ZNF423: variants seen among roughly 807,000 people sequenced by gnomAD.
ZNF423 encodes the protein zinc finger protein 423, also known as Ebf-associated zinc finger protein.
A neutral mutation model predicts 95.8 loss-of-function variants in ZNF423; 12 were observed. The observed-to-expected ratio is 0.13, with a 90% CI of 0.08 to 0.20. ZNF423 has a LOEUF of 0.20. Among genes scored for constraint, ZNF423 ranks in the 10% least tolerant of loss-of-function variants. The pLI is 1.00. For synonymous variants in ZNF423, 749 were observed against 711.9 expected (o/e 1.05, Z -0.83); for missense variants, 1,316 against 1,737.1 (o/e 0.76, Z 4.31).
chr16:49,511,974 A>G (rs550264647), intron 7 of ZNF423, among the ~76,000 whole-genome samples: 1 of 152,302 alleles, frequency 6.6e-6, no homozygotes, highest in African/African-American at 2.4e-5. Flanking sequence ...TTTGTGTAGC[A>G]CTTATGTTGT....
Position 49,636,943 on chromosome 16 carries a change from C to G in ZNF423, c.2233G>C (p.Val745Leu). 1 of 1,613,782 alleles carries G rather than the reference C, an allele frequency of 6.2e-7. No individual in the cohort carries two copies. Among genetic ancestry groups the G allele is most frequent in the Non-Finnish European group, 8.5e-7 (1 of 1,179,982 alleles). ...TTGCTGTGCTTCACCGCCAGGTGCA[C>G]CTGGATGGACACCTTGGAGTCGAAG... Reference protein sequence around the residue: ...EVFDSKVSIQVHLAVKHSNEK... With the variant: ...EVFDSKVSIQLHLAVKHSNEK... The change falls in exon 4 of 8, where the codon GTG becomes CTG. Residue 745 changes from valine (V) to leucine (L), a missense_variant. Transcript: ENST00000563137. This position sits in a 1 kb window ranked among gnomAD's most constrained non-coding sequence, Gnocchi z 8.6.
At chr16:49,515,914 C>T (rs1212615412) in intron 7 of ZNF423, among the ~76,000 whole-genome samples, 3 of 152,170 alleles carry the variant, frequency 2.0e-5, no homozygotes, top group Non-Finnish European at 4.4e-5. Flanking sequence ...CTCAGGGTGG[C>T]TAACCGCTGG....
chr16:49,837,443 G>A (rs1597053319), intron 1 of ZNF423, among the ~76,000 whole-genome samples: 1 of 152,222 alleles, frequency 6.6e-6, no homozygotes, highest in African/African-American at 2.4e-5. Flanking sequence ...CACAGAGGTT[G>A]TGCAAACCTT....
intron 3 of ZNF423, among the ~76,000 whole-genome samples, chr16:49,659,483 T>A (rs1340073164): frequency 6.6e-6 from 1 of 152,236 alleles, no homozygotes; most frequent in African/African-American, 2.4e-5. Flanking sequence ...ATCGGGATAC[T>A]GAGGCCCTTG....
chr16:49,689,787 A>C (rs2031710524), intron 3 of ZNF423, among the ~76,000 whole-genome samples: 1 of 152,128 alleles, frequency 6.6e-6, no homozygotes, highest in Admixed American at 6.5e-5. Flanking sequence ...CAGGCTGGAG[A>C]TGCATCTGGG....
chr16:49,511,109 C>T (rs1004198337), intron 7 of ZNF423, among the ~76,000 whole-genome samples: 2 of 152,232 alleles, frequency 1.3e-5, no homozygotes, highest in African/African-American at 2.4e-5. Context: ...TCAAGGCTCA[C>T]GAGGGTATCT....
chr16:49,842,426 C>A (rs62029420), intron 1 of ZNF423, among the ~76,000 whole-genome samples: 19 of 103,446 alleles, frequency 1.8e-4, no homozygotes, highest in East Asian at 6.7e-4. Flanking sequence ...GGCAGGCAGG[C>A]AGGCAGGCAG....
rs1311167740 is a variant in ZNF423 at position 49,492,123 on chromosome 16, C to T, written c.3850-819G>A. Among the ~76,000 whole-genome samples the T allele has an allele frequency of 1.3e-5, 2 of 152,236 alleles. No homozygotes were observed. Among genetic ancestry groups the T allele is most frequent in the Non-Finnish European group, 2.9e-5 (2 of 68,034 alleles). On this transcript the variant is annotated intron_variant, in intron 7 of 7. Transcript: ENST00000563137. The surrounding 1 kb of genome is among the most constrained non-coding windows in gnomAD (Gnocchi z 4.2). ...GGTTGATCTGTTTCACAGGAGCCAG[C>T]GGCCTGGGACTGGGGGTGGGATTTG...
intron 3 of ZNF423, among the ~76,000 whole-genome samples, chr16:49,682,909 G>A (rs1176864023): frequency 6.6e-6 from 1 of 152,228 alleles, no homozygotes; most frequent in Non-Finnish European, 1.5e-5. Flanking sequence ...GTATCTAGGA[G>A]ACGCCCCTAC....
intron 1 of ZNF423, among the ~76,000 whole-genome samples, chr16:49,818,082 T>G (rs778232481): frequency 6.6e-6 from 1 of 152,114 alleles, no homozygotes; most frequent in Admixed American, 6.5e-5. Flanking sequence ...ACCTCGCTAC[T>G]CATGTCTCAG....
intron 1 of ZNF423, among the ~76,000 whole-genome samples, chr16:49,800,417 A>C (rs2034564174): frequency 6.6e-6 from 1 of 152,132 alleles, no homozygotes; most frequent in African/African-American, 2.4e-5. Flanking sequence ...CACCTGCCCC[A>C]GCTCCTCTAT....
At chr16:49,573,504 T>C (rs1970411093) in intron 5 of ZNF423, among the ~76,000 whole-genome samples, 1 of 152,190 alleles carries the variant, frequency 6.6e-6, no homozygotes, top group Admixed American at 6.5e-5. Flanking sequence ...AGAGCCTCCT[T>C]GCTATGTTGT....
chr16:49,617,014 T>C (rs1971898357), intron 5 of ZNF423, among the ~76,000 whole-genome samples: 1 of 152,178 alleles, frequency 6.6e-6, no homozygotes. Flanking sequence ...GTGTGGTGAG[T>C]TGCACTGTTT....
chr16:49,836,250 C>G (rs1034796206), intron 1 of ZNF423, among the ~76,000 whole-genome samples: 8 of 152,138 alleles, frequency 5.3e-5, no homozygotes, highest in East Asian at 1.9e-4. Flanking sequence ...CAAGTACAGC[C>G]CTGCCCACCA....
chr16:49,539,137 G>A (rs373303979), intron 5 of ZNF423, among the ~76,000 whole-genome samples: 97 of 152,144 alleles, frequency 6.4e-4, no homozygotes, highest in Middle Eastern at 3.4e-3. Context: ...GTCCCCTGAT[G>A]GATAGAGTCC....
At chr16:49,820,508 A>G (rs1253560974) in intron 1 of ZNF423, among the ~76,000 whole-genome samples, 2 of 152,216 alleles carry the variant, frequency 1.3e-5, no homozygotes, top group Non-Finnish European at 2.9e-5. Flanking sequence ...AAGTAACCCA[A>G]ATAAATTTAG....
At chr16:49,629,891 C>T (rs1370383020) in intron 4 of ZNF423, among the ~76,000 whole-genome samples, 3 of 152,206 alleles carry the variant, frequency 2.0e-5, no homozygotes, top group Admixed American at 1.3e-4. Flanking sequence ...AATTATTTAA[C>T]TTTTATTACG....
intron 3 of ZNF423, among the ~76,000 whole-genome samples, chr16:49,675,041 G>A (rs1596832834): frequency 6.6e-6 from 1 of 152,190 alleles, no homozygotes; most frequent in East Asian, 1.9e-4. Context: ...GGCCTGTGGT[G>A]TGTGGAATTC....
intron 5 of ZNF423, among the ~76,000 whole-genome samples, chr16:49,534,644 G>A (rs1968993769): frequency 1.3e-5 from 2 of 152,186 alleles, no homozygotes; most frequent in Admixed American, 1.3e-4. Flanking sequence ...GGGCCATCAA[G>A]GCAATAGAAC....
Sources: allele counts gnomAD v4.1 joint callset (sites outside exome capture counted in the v4.1 genomes callset), GRCh38; gene constraint gnomAD v4.1.1; non-coding constraint Gnocchi (gnomAD v3.1); transcripts MANE v1.5; gene names NCBI Gene and HGNC (gene_info 2026-07-23, HGNC 2026-07-21).